The following BTBD7 variants were observed in gnomAD, a reference collection of about 807,000 sequenced individuals.
The protein encoded by BTBD7 is BTB domain containing 7.
BTBD7 carries 38 observed loss-of-function variants against 99.9 expected under a neutral mutation model. The observed-to-expected ratio is 0.38, with a 90% CI of 0.29 to 0.50. BTBD7 has a LOEUF of 0.50. BTBD7 is among the 20% of genes least tolerant of loss of function. The pLI, the probability that BTBD7 is intolerant of heterozygous loss-of-function variation, is 0.93. For missense variants in BTBD7, 1,170 were observed against 1,394.6 expected (o/e 0.84, Z 2.57); for synonymous variants, 520 against 511.4 (o/e 1.02, Z -0.23).
intron 1 of BTBD7, among the ~76,000 whole-genome samples, chr14:93,303,893 A>C (rs2053036487): frequency 2.0e-5 from 3 of 152,194 alleles, no homozygotes; most frequent in Admixed American, 1.3e-4. Context: ...TATTCCTCTT[A>C]TCTGGTCTTT....
At chr14:93,245,289 G>T (rs1201319192) in intron 10 of BTBD7, among the ~76,000 whole-genome samples, 1 of 152,214 alleles carries the variant, frequency 6.6e-6, no homozygotes. Context: ...AGTGAAGTGG[G>T]GGCTCTGCTG....
chr14:93,312,697 T>C (rs2053151523), intron 1 of BTBD7, among the ~76,000 whole-genome samples: 2 of 152,034 alleles, frequency 1.3e-5, no homozygotes, highest in African/African-American at 2.4e-5. Flanking sequence ...CAGGTGGAGG[T>C]TGCTAGGTGG....
At chr14:93,274,791 T>G (rs2052637637) in intron 3 of BTBD7, among the ~76,000 whole-genome samples, 1 of 152,198 alleles carries the variant, frequency 6.6e-6, no homozygotes, top group African/African-American at 2.4e-5. Flanking sequence ...AAATCTACAG[T>G]TTTGACACTG....
intron 9 of BTBD7, among the ~76,000 whole-genome samples, chr14:93,248,203 C>G (rs1318624199): frequency 6.6e-6 from 1 of 152,062 alleles, no homozygotes; most frequent in Non-Finnish European, 1.5e-5. Context: ...CTGTTGATGC[C>G]CAGGGTGGTT....
chr14:93,318,108 T>C (rs1490675209), intron 1 of BTBD7, among the ~76,000 whole-genome samples: 1 of 152,226 alleles, frequency 6.6e-6, no homozygotes, highest in Non-Finnish European at 1.5e-5. Flanking sequence ...TGCTTCCTCC[T>C]CACCAAACCT....
chr14:93,291,021 C>G (rs1233771495), intron 3 of BTBD7, among the ~76,000 whole-genome samples: 1 of 112,990 alleles, frequency 8.9e-6, no homozygotes, highest in Admixed American at 1.2e-4. Context: ...TTGGTAGAGA[C>G]GAGGTCTCAC....
chr14:93,332,772 G>A (rs578074695), intron 1 of BTBD7, 48 bp downstream of exon 1: 39 of 1,455,646 alleles, frequency 2.7e-5, no homozygotes, highest in African/African-American at 1.0e-4. Flanking sequence ...GCGCCACACC[G>A]GACACAGCCT....
intron 1 of BTBD7, among the ~76,000 whole-genome samples, chr14:93,321,224 TTTTC>T (rs1211648600): frequency 4.6e-5 from 7 of 152,238 alleles, no homozygotes; most frequent in African/African-American, 1.4e-4. Flanking sequence ...CATTTAAATA[TTTTC>T]TGAGCACCTA....
intron 3 of BTBD7, 40 bp from the exon 4 acceptor site, chr14:93,264,033 A>G (rs1243551226): frequency 6.4e-7 from 1 of 1,555,810 alleles, no homozygotes. Context: ...TTAATCATAA[A>G]TATTACTTAT....
intron 1 of BTBD7, among the ~76,000 whole-genome samples, chr14:93,302,167 G>A (rs369708281): frequency 3.3e-5 from 5 of 152,160 alleles, no homozygotes; most frequent in African/African-American, 7.2e-5. Context: ...ACCTTGGTTC[G>A]ATTTTGGATC....
intron 3 of BTBD7, among the ~76,000 whole-genome samples, chr14:93,274,369 C>T (rs557635610): frequency 3.9e-4 from 60 of 152,320 alleles, no homozygotes; most frequent in Non-Finnish European, 6.5e-4. Context: ...CTTTTGTTGT[C>T]TGCTGTGAAA....
intron 2 of BTBD7, 32 bp from the exon 3 acceptor site, chr14:93,294,969 T>G: frequency 6.7e-7 from 1 of 1,502,230 alleles, no homozygotes; most frequent in Non-Finnish European, 8.8e-7. Flanking sequence ...TGAAAATTTA[T>G]TTTTTCTTAA....
chr14:93,268,011 A>T (rs1008134141), intron 3 of BTBD7, among the ~76,000 whole-genome samples: 1 of 152,214 alleles, frequency 6.6e-6, no homozygotes. Flanking sequence ...GAAAAAGTCC[A>T]AGCTACATCT....
At chr14:93,332,089 A>G (rs991283770) in intron 1 of BTBD7, among the ~76,000 whole-genome samples, 7 of 152,048 alleles carry the variant, frequency 4.6e-5, no homozygotes, top group African/African-American at 1.7e-4. Context: ...GAGAAACAAC[A>G]CTCCTCAGAG....
intron 1 of BTBD7, among the ~76,000 whole-genome samples, chr14:93,312,142 C>T (rs115887216): frequency 0.017 from 2,555 of 152,212 alleles, 78 homozygotes; most frequent in African/African-American, 0.059. Context: ...TTAGTAACTT[C>T]CTTCTCCTGT....
In BTBD7 at chr14:93,328,570, A is replaced by C. The variant is rs117165069; in HGVS notation, c.-107+4250T>G. 2.2e-3 allele frequency among the ~76,000 whole-genome samples: 327 copies of C among 150,330 alleles called. 1 individual carries two copies. Among genetic ancestry groups the C allele is most frequent in the South Asian group, 5.1e-3 (24 of 4,752 alleles). ...CACGTATATGGTAATAGATATCCAC[A>C]CATAAAGACCTAAATTAAGAGCCAG... is the stretch of plus-strand genomic sequence containing the variant. On this transcript the variant is annotated intron_variant, in intron 1 of 10. Transcript: ENST00000334746.
intron 1 of BTBD7, among the ~76,000 whole-genome samples, chr14:93,320,370 C>T (rs1345451041): frequency 1.3e-5 from 2 of 152,140 alleles, no homozygotes; most frequent in African/African-American, 2.4e-5. Flanking sequence ...CAGGTAGAAG[C>T]CAAGGATGCT....
At chr14:93,279,188 A>T (rs1266713463) in intron 3 of BTBD7, among the ~76,000 whole-genome samples, 1 of 152,178 alleles carries the variant, frequency 6.6e-6, no homozygotes, top group Non-Finnish European at 1.5e-5. Context: ...GTGAGGATAA[A>T]GCCAATTGTC....
chr14:93,260,045 CA>C (rs2052470701), intron 5 of BTBD7, among the ~76,000 whole-genome samples: 2 of 151,942 alleles, frequency 1.3e-5, no homozygotes. Flanking sequence ...AGGTTTTTGC[CA>C]GCCACAGAAA....
Sources: gnomAD v4.1 joint callset for allele counts (sites outside exome capture counted in the v4.1 genomes callset) on GRCh38, gnomAD v4.1.1 for gene constraint, MANE v1.5 for transcripts, NCBI Gene and HGNC (gene_info 2026-07-23, HGNC 2026-07-21) for gene names.